Variants in TRHDE observed in about 807,000 individuals in gnomAD.
TRHDE encodes the protein thyrotropin-releasing hormone-degrading ectoenzyme.
A neutral mutation model predicts 125.7 loss-of-function variants in TRHDE; 72 were observed. That is an observed-to-expected ratio of 0.57 (90% CI 0.47 to 0.70). TRHDE has a LOEUF of 0.70. Among genes scored for constraint, TRHDE ranks in the 30% least tolerant of loss-of-function variants. TRHDE has a pLI of 0.00. For synonymous variants in TRHDE, 509 were observed against 509.1 expected (o/e 1.00, Z 0.00); for missense variants, 1,110 against 1,327.1 (o/e 0.84, Z 2.54).
At chr12:72,494,900 C>G (rs12309606) in intron 5 of TRHDE, among the ~76,000 whole-genome samples, 89 of 152,100 alleles carry the variant, frequency 5.9e-4, no homozygotes, top group Admixed American at 1.6e-3. Context: ...CGCCTCTTAT[C>G]TTAGACCCAG....
chr12:72,485,692 C>T (rs1364903390), intron 5 of TRHDE, among the ~76,000 whole-genome samples: 1 of 152,180 alleles, frequency 6.6e-6, no homozygotes, highest in Non-Finnish European at 1.5e-5. Flanking sequence ...CTGCCCCATA[C>T]AAAGGGATGC....
At chr12:72,239,998 A>G (rs1565670537) in intron 2 of TRHDE, among the ~76,000 whole-genome samples, 2 of 152,134 alleles carry the variant, frequency 1.3e-5, no homozygotes, top group Non-Finnish European at 2.9e-5. Flanking sequence ...ATTTTTGTAT[A>G]GTTTTACTGG....
intron 2 of TRHDE, chr12:72,137,464 G>T (rs1242335107): frequency 6.6e-6 from 1 of 152,170 alleles, no homozygotes; most frequent in Non-Finnish European, 1.5e-5. Context: ...AAGCCCTGTG[G>T]TTCTGGCCAT....
rs1005703350 is a variant in TRHDE at position 72,518,362 on chromosome 12, G to A, written c.1722+18727G>A. Among the ~76,000 whole-genome samples the A allele has an allele frequency of 2.1e-4, 31 of 148,984 alleles. 1 individual carries two copies. Among genetic ancestry groups the A allele is most frequent in the Non-Finnish European group, 4.1e-4 (28 of 67,802 alleles). ...GGTGCATATATATTTAGGATAGTTA[G>A]CTCTTATTGTTGAATTGATTCCTTT... is the stretch of plus-strand genomic sequence containing the variant. On this transcript the variant is annotated intron_variant, in intron 6 of 18. Transcript: ENST00000261180.
chr12:72,451,737 T>C (rs1437954576), intron 3 of TRHDE, among the ~76,000 whole-genome samples: 4 of 152,216 alleles, frequency 2.6e-5, no homozygotes, highest in Admixed American at 1.3e-4. Flanking sequence ...AATTTATCAA[T>C]ATTTTAACAA....
chr12:72,369,621 C>T (rs866753100), intron 2 of TRHDE, among the ~76,000 whole-genome samples: 1 of 152,126 alleles, frequency 6.6e-6, no homozygotes, highest in African/African-American at 2.4e-5. Context: ...CTATAGCCCC[C>T]AGAAGGAACT....
At chr12:72,431,954 AG>A in intron 3 of TRHDE, 1 of 200,176 alleles carries the variant, frequency 5.0e-6, no homozygotes, top group Non-Finnish European at 1.1e-5. Context: ...CCACAGTACC[AG>A]GCCTGTAACT....
At chr12:72,586,146 GATAAGA>G (rs1219577942) in intron 12 of TRHDE, among the ~76,000 whole-genome samples, 4 of 134,534 alleles carry the variant, frequency 3.0e-5, no homozygotes, top group African/African-American at 1.4e-4. Context: ...ATGCTATCAT[GATAAGA>G]ATAAGATAAT....
upstream of TRHDE, chr12:72,272,302 G>A (rs1024487695): frequency 2.8e-6 from 1 of 361,814 alleles, no homozygotes; most frequent in South Asian, 2.1e-5. The surrounding 1 kb of genome is among the most constrained non-coding windows in gnomAD (Gnocchi z 6.7). Context: ...GCGCAGGGGA[G>A]GGAGAGCCGG....
At chr12:72,479,065 T>TTTAGGACTAA (rs1352562712) in intron 5 of TRHDE, among the ~76,000 whole-genome samples, 2 of 152,126 alleles carry the variant, frequency 1.3e-5, no homozygotes, top group Non-Finnish European at 2.9e-5. Flanking sequence ...ATTCTGTGCA[T>TTTAGGACTAA]TTCAGAATGT....
At chr12:72,502,584 G>C (rs1158016705) in intron 6 of TRHDE, among the ~76,000 whole-genome samples, 1 of 152,060 alleles carries the variant, frequency 6.6e-6, no homozygotes, top group Non-Finnish European at 1.5e-5. Context: ...GTTGATATGT[G>C]TTGGTAAATG....
chr12:72,188,560 C>A (rs895438422), intron 2 of TRHDE, among the ~76,000 whole-genome samples: 8 of 152,148 alleles, frequency 5.3e-5, no homozygotes, highest in Admixed American at 3.9e-4. Context: ...AGAGAGTGGC[C>A]GGGTTTCAGC....
rs140660400 is a variant in TRHDE at position 72,260,791 on chromosome 12, G to A, written n.280-117204G>A. ...GAGCCTTCGTTCATTCGAAATACGCGTATGAAGGACAGTATGTCCCAGAAT... is the reference window on the plus strand; with the variant it reads ...GAGCCTTCGTTCATTCGAAATACGCATATGAAGGACAGTATGTCCCAGAAT... On this transcript the variant is annotated intron_variant and non_coding_transcript_variant, in intron 2 of 4. Transcript: ENST00000548156. Among the ~76,000 whole-genome samples the A allele has an allele frequency of 1.9e-4, 29 of 152,272 alleles. No homozygotes were observed. The East Asian group carries it at 4.1e-3, about 21-fold the overall frequency.
intron 12 of TRHDE, among the ~76,000 whole-genome samples, chr12:72,617,623 A>AGTTG (rs1454332682): frequency 2.9e-5 from 4 of 136,596 alleles, no homozygotes; most frequent in African/African-American, 1.4e-4. Flanking sequence ...GTCTGCATTC[A>AGTTG]GTTGATTTGT....
At chr12:72,601,107 G>A (rs1592564968) in intron 12 of TRHDE, among the ~76,000 whole-genome samples, 1 of 152,068 alleles carries the variant, frequency 6.6e-6, no homozygotes, top group Non-Finnish European at 1.5e-5. Context: ...ATGTCTTTAA[G>A]AACATTTATG....
chr12:72,513,779 G>C (rs1878708555), intron 6 of TRHDE, among the ~76,000 whole-genome samples: 2 of 151,844 alleles, frequency 1.3e-5, no homozygotes, highest in Admixed American at 6.6e-5. Context: ...CGATTTTTAA[G>C]GTTTCACAGA....
Position 72,317,325 on chromosome 12 carries a change from T to G in TRHDE, c.1188+30371T>G, listed in dbSNP as rs117371237. Among the ~76,000 whole-genome samples the G allele has an allele frequency of 7.1e-3, 1,082 of 152,246 alleles. 33 individuals are homozygous for G. The highest frequency in any genetic ancestry group is 0.053 in the East Asian group (273 of 5,174). ...CAAGTGGGTAAATTAAATGAGAATTTTAATATGGCAGATAAAAATTGTAAT... is the reference window on the plus strand; with the variant it reads ...CAAGTGGGTAAATTAAATGAGAATTGTAATATGGCAGATAAAAATTGTAAT... On this transcript the variant is annotated intron_variant, in intron 2 of 18. Transcript: ENST00000261180.
chr12:72,152,293 C>T (rs1179770599), intron 2 of TRHDE, among the ~76,000 whole-genome samples: 71 of 151,610 alleles, frequency 4.7e-4, no homozygotes, highest in African/African-American at 9.5e-4. Context: ...AAGGAGATTT[C>T]GGGCTGAGAC....
chr12:72,362,373 G>A (rs1239412491), intron 2 of TRHDE, among the ~76,000 whole-genome samples: 3 of 149,692 alleles, frequency 2.0e-5, no homozygotes, highest in Non-Finnish European at 4.5e-5. Context: ...TTTGAGAAGT[G>A]TCTGTTCATG....
Sources: gnomAD v4.1 joint callset for allele counts (sites outside exome capture counted in the v4.1 genomes callset) on GRCh38, gnomAD v4.1.1 for gene constraint, Gnocchi (gnomAD v3.1) non-coding constraint, MANE v1.5 for transcripts, NCBI Gene and HGNC (gene_info 2026-07-23, HGNC 2026-07-21) for gene names.